Variants in TUBGCP3 observed in about 807,000 individuals in gnomAD.
The protein encoded by TUBGCP3 is tubulin gamma complex component 3, also known as gamma-tubulin complex component 3.
Under a neutral mutation model 123.1 loss-of-function variants are expected in TUBGCP3, and 50 were observed. The ratio of observed to expected loss-of-function variants is 0.41; its 90% CI spans 0.32 to 0.51. The LOEUF is 0.51. TUBGCP3 is among the 20% of genes least tolerant of loss of function. The probability of loss-of-function intolerance (pLI) is 0.36; values close to 1 mark genes in which losing one functional copy is unlikely to be tolerated. For missense variants in TUBGCP3, 882 were observed against 1,127.0 expected (o/e 0.78, Z 3.11); for synonymous variants, 405 against 413.9 (o/e 0.98, Z 0.26).
At chr13:112,554,855 A>T (rs1297429556) in intron 7 of TUBGCP3, 32 bp downstream of exon 7, 1 of 1,478,246 alleles carries the variant, frequency 6.8e-7, no homozygotes. Flanking sequence ...TTTCTTTCTG[A>T]ATATTTTAAC....
At chr13:112,505,416 T>C (rs560325718) in intron 17 of TUBGCP3, among the ~76,000 whole-genome samples, 1 of 152,394 alleles carries the variant, frequency 6.6e-6, no homozygotes, top group African/African-American at 2.4e-5. Context: ...ACATGTTTTG[T>C]TACTGCTTCA....
rs1194111000 is a variant in TUBGCP3 at position 112,524,843 on chromosome 13, A to G, written c.1555+2099T>C. Among the ~76,000 whole-genome samples, 2 of 152,132 alleles carry G rather than the reference A, an allele frequency of 1.3e-5. No homozygotes were observed. The highest frequency in any genetic ancestry group is 4.8e-5 in the African/African-American group (2 of 41,412). ...CCAGAGTTTCAGTATAGCATTTCCAATACATGCTGGAAGCTTCCACTAGTA... is the reference window on the plus strand; with the variant it reads ...CCAGAGTTTCAGTATAGCATTTCCAGTACATGCTGGAAGCTTCCACTAGTA... On this transcript the variant is annotated intron_variant, in intron 13 of 21. Coordinates refer to ENST00000261965, the MANE Select transcript of TUBGCP3 (RefSeq NM_006322.6). This position sits in a 1 kb window ranked among gnomAD's most constrained non-coding sequence, Gnocchi z 4.4.
intron 19 of TUBGCP3, among the ~76,000 whole-genome samples, chr13:112,499,762 A>G (rs1242453638): frequency 2.0e-5 from 3 of 152,218 alleles, no homozygotes; most frequent in African/African-American, 7.2e-5. Context: ...TTAAACAAAT[A>G]TCAGTGTCAC....
intron 11 of TUBGCP3, among the ~76,000 whole-genome samples, chr13:112,529,603 G>C (rs1372216360): frequency 6.6e-6 from 1 of 152,160 alleles, no homozygotes; most frequent in Non-Finnish European, 1.5e-5. Context: ...CCAGTGGTCT[G>C]CCCTACTTTT....
chr13:112,554,982 C>A lies in TUBGCP3; in HGVS notation c.745G>T (p.Ala249Ser), dbSNP rs1042780389. 6.2e-7 allele frequency: 1 copy of A among 1,606,980 alleles called. No individual in the cohort carries two copies. Among genetic ancestry groups the A allele is most frequent in the African/African-American group, 1.3e-5 (1 of 74,426 alleles). ...TGGTMEITEA[A>S]LVRDILYVFQ... ...ACGTACAAAATGTCCCTTACCAGAGCTGCTTCTGTAATTTCCATAGTACCT... is the reference window on the plus strand; with the variant it reads ...ACGTACAAAATGTCCCTTACCAGAGATGCTTCTGTAATTTCCATAGTACCT... Residue 249 changes from alanine to serine, a missense_variant, in exon 7 of 22, where the codon GCT (alanine) becomes TCT (serine). Physicochemically the swap from Ala to Ser is moderately conservative, Grantham distance 99. Coordinates refer to ENST00000261965, the MANE Select transcript of TUBGCP3 (RefSeq NM_006322.6).
chr13:112,581,895 A>C (rs1205362193), intron 1 of TUBGCP3, among the ~76,000 whole-genome samples: 1 of 151,920 alleles, frequency 6.6e-6, no homozygotes, highest in African/African-American at 2.4e-5. Context: ...TCACCTCCTC[A>C]CTTTCTCTGC....
intron 20 of TUBGCP3, among the ~76,000 whole-genome samples, chr13:112,492,306 C>A (rs1243520908): frequency 6.6e-6 from 1 of 152,232 alleles, no homozygotes; most frequent in Non-Finnish European, 1.5e-5. Flanking sequence ...AATATTTACA[C>A]TACTTCCCAT....
At chr13:112,512,163 A>T (rs1881711941) in intron 17 of TUBGCP3, among the ~76,000 whole-genome samples, 1 of 152,168 alleles carries the variant, frequency 6.6e-6, no homozygotes. Context: ...GCTCACGCCC[A>T]TAACCCCAAT....
chr13:112,570,651 C>T (rs1051804327), intron 1 of TUBGCP3, among the ~76,000 whole-genome samples: 1 of 152,200 alleles, frequency 6.6e-6, no homozygotes, highest in East Asian at 1.9e-4. Flanking sequence ...GCGGTGGTTG[C>T]TGAAGGCTGT....
intron 11 of TUBGCP3, among the ~76,000 whole-genome samples, chr13:112,527,840 T>G (rs1594147762): frequency 6.6e-6 from 1 of 152,216 alleles, no homozygotes; most frequent in African/African-American, 2.4e-5. Flanking sequence ...GCAGCAGCTG[T>G]GTGTCTCCTC....
upstream of TUBGCP3, among the ~76,000 whole-genome samples, chr13:112,591,738 A>G (rs1185808934): frequency 6.6e-6 from 1 of 152,244 alleles, no homozygotes; most frequent in Non-Finnish European, 1.5e-5. Context: ...CCTATGAATG[A>G]TACTTTACAA....
At chr13:112,526,501 T>C (rs1475656731) in intron 13 of TUBGCP3, among the ~76,000 whole-genome samples, 2 of 135,500 alleles carry the variant, frequency 1.5e-5, no homozygotes, top group African/African-American at 2.8e-5. Context: ...ATCATCACCA[T>C]CAACATCACC....
chr13:112,596,690 G>T, the TUBGCP3 span, among the ~76,000 whole-genome samples: 2 of 152,204 alleles, frequency 1.3e-5, no homozygotes, highest in Non-Finnish European at 2.9e-5. Flanking sequence ...TGCACATTCT[G>T]CTCTCCTTCT....
chr13:112,519,900 C>G lies in TUBGCP3; in HGVS notation c.1867G>C (p.Val623Leu), dbSNP rs1233129155. 2 of 1,613,534 alleles carry G rather than the reference C, an allele frequency of 1.2e-6. No homozygotes were observed. The highest frequency in any genetic ancestry group is 1.7e-6 in the Non-Finnish European group (2 of 1,179,660). ...DSPEILRRLD[V>L]RLLEVSPGDT... is the part of the protein sequence containing the mutation. ...AGCCGCAGTACCTCCAGCAGCCGCA[C>G]GTCCAGCCTTCGCAGGATCTCAGGA... The change falls in exon 15 of 22, where the codon GTG (valine) becomes CTG (leucine). Residue 623 changes from valine (V) to leucine (L), a missense_variant. By Grantham distance (32) the Val-to-Leu change is conservative. Around this residue, in one of 3 missense-constraint regions of TUBGCP3, gnomAD observed 713 missense variants for 874.0 expected, o/e 0.82. Transcript: ENST00000261965. The surrounding 1 kb of genome is among the most constrained non-coding windows in gnomAD (Gnocchi z 6.2).
At chr13:112,585,568 T>C (rs894588494) in intron 1 of TUBGCP3, among the ~76,000 whole-genome samples, 24 of 150,810 alleles carry the variant, frequency 1.6e-4, no homozygotes, top group Non-Finnish European at 3.0e-4. Context: ...AGGTCAGGAG[T>C]TGGAGACCAG....
intron 8 of TUBGCP3, among the ~76,000 whole-genome samples, chr13:112,552,863 C>T (rs1419657215): frequency 2.7e-5 from 4 of 150,182 alleles, no homozygotes; most frequent in Non-Finnish European, 4.4e-5. Flanking sequence ...CACGCTCCTC[C>T]CCACCAGCCA....
chr13:112,516,337 G>T, intron 17 of TUBGCP3, 103 bp downstream of exon 17: 3 of 1,241,558 alleles, frequency 2.4e-6, no homozygotes, highest in Non-Finnish European at 3.1e-6. Flanking sequence ...AGCTGTCACC[G>T]TGAGTCTACC....
chr13:112,488,000 C>T (rs1228487389), intron 21 of TUBGCP3, among the ~76,000 whole-genome samples: 2 of 151,718 alleles, frequency 1.3e-5, no homozygotes, highest in African/African-American at 2.4e-5. Context: ...GGTGTGGTGG[C>T]GCGTGCCTGT....
At chr13:112,576,363 A>G (rs1566591142) in intron 1 of TUBGCP3, among the ~76,000 whole-genome samples, 1 of 152,232 alleles carries the variant, frequency 6.6e-6, no homozygotes, top group African/African-American at 2.4e-5. Flanking sequence ...TTACTCCAAG[A>G]GCAAGCACTT....
Sources: allele counts gnomAD v4.1 joint callset (sites outside exome capture counted in the v4.1 genomes callset), GRCh38; gene constraint gnomAD v4.1.1; regional missense constraint gnomAD v4.1.1; non-coding constraint Gnocchi (gnomAD v3.1); transcripts MANE v1.5; gene names NCBI Gene and HGNC (gene_info 2026-07-23, HGNC 2026-07-21).